The following CYP7B1 variants were observed in gnomAD, a reference collection of about 807,000 sequenced individuals.
The protein encoded by CYP7B1 is cytochrome P450 7B1.
Under a neutral mutation model 42.7 loss-of-function variants are expected in CYP7B1, and 29 were observed. The observed-to-expected ratio is 0.68, with a 90% CI of 0.51 to 0.93. The LOEUF (loss-of-function observed/expected upper bound fraction) is 0.93, where lower values mean the gene tolerates loss of function less well. Ranked by LOEUF, CYP7B1 falls within the 40% of genes least tolerant of loss-of-function variation. CYP7B1 has a pLI of 0.00. For missense variants in CYP7B1, 655 were observed against 600.5 expected, an observed-to-expected ratio of 1.09 and a Z score of -0.95; for synonymous variants, 235 against 218.2, an observed-to-expected ratio of 1.08 and a Z score of -0.68.
At chr8:64,695,831 A>G (rs1036637109) in intron 1 of CYP7B1, among the ~76,000 whole-genome samples, 1 of 152,062 alleles carries the variant, frequency 6.6e-6, no homozygotes, top group African/African-American at 2.4e-5. Flanking sequence ...TGGTTAACAA[A>G]AAAAGGGCTA....
chr8:64,688,888 T>C (rs1476154057), intron 1 of CYP7B1, among the ~76,000 whole-genome samples: 1 of 152,186 alleles, frequency 6.6e-6, no homozygotes, highest in East Asian at 1.9e-4. Flanking sequence ...ATTGTGCCAC[T>C]GCACTCCAGC....
chr8:64,674,857 C>A (rs1420122144), intron 1 of CYP7B1, among the ~76,000 whole-genome samples: 1 of 151,970 alleles, frequency 6.6e-6, no homozygotes, highest in Non-Finnish European at 1.5e-5. Context: ...CACAAAATAT[C>A]CTGAATAGCA....
intron 1 of CYP7B1, chr8:64,732,993 C>T (rs1191018390): frequency 1.3e-5 from 2 of 152,198 alleles, no homozygotes; most frequent in Non-Finnish European, 2.9e-5. Context: ...GAAACCAGGC[C>T]TACCTGGTTC....
At chr8:64,725,414 G>A (rs1385259341) in intron 1 of CYP7B1, among the ~76,000 whole-genome samples, 1 of 152,184 alleles carries the variant, frequency 6.6e-6, no homozygotes, top group East Asian at 1.9e-4. Context: ...CCTGTGTCAA[G>A]TTAGGTAATG....
chr8:64,667,985 A>C lies in CYP7B1; in HGVS notation c.123-43446T>G, dbSNP rs928652931. Reference sequence around the variant, plus strand: ...AAATTCTCTGTACAACTCTGAACTTAAATGCTACAGACAACTGCTTAATCT... The same window carrying C: ...AAATTCTCTGTACAACTCTGAACTTCAATGCTACAGACAACTGCTTAATCT... On this transcript the variant is annotated intron_variant, in intron 1 of 5. Coordinates refer to ENST00000310193, the MANE Select transcript of CYP7B1 (RefSeq NM_004820.5). 2.0e-5 allele frequency among the ~76,000 whole-genome samples: 3 copies of C among 152,202 alleles called. 1 individual carries two copies. The highest frequency in any genetic ancestry group is 7.2e-5 in the African/African-American group (3 of 41,456).
intron 1 of CYP7B1, among the ~76,000 whole-genome samples, chr8:64,666,254 T>G (rs1294803361): frequency 6.6e-6 from 1 of 152,166 alleles, no homozygotes; most frequent in African/African-American, 2.4e-5. Context: ...TCAGAGTCAC[T>G]CAGCTCATGC....
At chr8:64,734,606 T>C (rs1192690937) in intron 1 of CYP7B1, 1 of 152,182 alleles carries the variant, frequency 6.6e-6, no homozygotes. Flanking sequence ...AGTTTCAACA[T>C]GAATTTTGAA....
At position 64,604,740 on chromosome 8, in the gene CYP7B1, A is replaced by AAGGT; in HGVS notation, c.1174_1175insACCT (p.Leu392TyrfsTer13). ...TAGGACTGGAGGAAAGATGGCTACC[A>AAGGT]AGTCTCCCTTTCGCACACAGTAGTC... On this transcript the variant is annotated frameshift_variant, in exon 5 of 6. Coordinates refer to ENST00000310193, the MANE Select transcript of CYP7B1 (RefSeq NM_004820.5). LOFTEE classifies it high-confidence loss of function. 6.2e-7 allele frequency: 1 copy of AAGGT among 1,614,156 alleles called. No individual in the cohort carries two copies. Among genetic ancestry groups the AAGGT allele is most frequent in the Non-Finnish European group, 8.5e-7 (1 of 1,180,030 alleles).
chr8:64,762,729 CTTTTATATAACAG>C (rs1807907908), intron 1 of CYP7B1, among the ~76,000 whole-genome samples: 1 of 152,140 alleles, frequency 6.6e-6, no homozygotes. Flanking sequence ...CTCCAATCAG[CTTTTATATAACAG>C]TTTTATGGAT....
chr8:64,773,811 A>C (rs1364690953), intron 1 of CYP7B1, among the ~76,000 whole-genome samples: 1 of 152,234 alleles, frequency 6.6e-6, no homozygotes, highest in Non-Finnish European at 1.5e-5. Flanking sequence ...AGGCAAGAGC[A>C]AGAAAGCCAG....
At chr8:64,754,750 C>T (rs1187373046) in intron 1 of CYP7B1, among the ~76,000 whole-genome samples, 2 of 152,036 alleles carry the variant, frequency 1.3e-5, no homozygotes, top group Non-Finnish European at 2.9e-5. Flanking sequence ...ATGAAAAGCC[C>T]CTGCAGAGTT....
chr8:64,742,964 C>T (rs1196750525), intron 1 of CYP7B1, among the ~76,000 whole-genome samples: 2 of 152,032 alleles, frequency 1.3e-5, no homozygotes, highest in East Asian at 3.9e-4. Context: ...TTTCCTTCTT[C>T]TATGTTTATT....
At chr8:64,622,979 C>T (rs1805553798) in intron 2 of CYP7B1, among the ~76,000 whole-genome samples, 1 of 151,966 alleles carries the variant, frequency 6.6e-6, no homozygotes, top group Non-Finnish European at 1.5e-5. Context: ...TCTTCTTTTC[C>T]TGCCACTGGC....
At chr8:64,629,782 A>G (rs1223536991) in intron 1 of CYP7B1, among the ~76,000 whole-genome samples, 2 of 152,246 alleles carry the variant, frequency 1.3e-5, no homozygotes, top group African/African-American at 2.4e-5. Flanking sequence ...GCACAAGGAA[A>G]CTTAGAAATG....
chr8:64,600,267 A>C (rs1196008645), intron 5 of CYP7B1, among the ~76,000 whole-genome samples: 2 of 152,208 alleles, frequency 1.3e-5, no homozygotes, highest in Non-Finnish European at 2.9e-5. Context: ...GTGACAAAGG[A>C]AGATTGCATA....
chr8:64,791,812 T>C (rs1489278112), intron 1 of CYP7B1, among the ~76,000 whole-genome samples: 1 of 152,178 alleles, frequency 6.6e-6, no homozygotes, highest in Non-Finnish European at 1.5e-5. Flanking sequence ...AAATGTAGAA[T>C]TGGCTTTGGA....
At chr8:64,783,540 A>AT in intron 1 of CYP7B1, among the ~76,000 whole-genome samples, 1 of 139,180 alleles carries the variant, frequency 7.2e-6, no homozygotes, top group African/African-American at 2.8e-5. Flanking sequence ...ATTCCATACT[A>AT]CTTTTTTTTT....
intron 1 of CYP7B1, among the ~76,000 whole-genome samples, chr8:64,643,195 A>C (rs1462656548): frequency 6.8e-6 from 1 of 146,740 alleles, no homozygotes; most frequent in Non-Finnish European, 1.5e-5. Flanking sequence ...ATATATATAC[A>C]CACACACACA....
chr8:64,591,910 G>A lies in CYP7B1; in HGVS notation c.*4732C>T, dbSNP rs182496313. On this transcript the variant is annotated 3_prime_UTR_variant, in exon 6 of 6. Transcript: ENST00000310193. ...GCTATAAAAATGAAAAGATGGGGGC[G>A]GGCACGGTGGCTCATGTCTGCAACC... Among the ~76,000 whole-genome samples the A allele has an allele frequency of 6.6e-6, 1 of 152,048 alleles. No homozygotes were observed. Among genetic ancestry groups the A allele is most frequent in the Non-Finnish European group, 1.5e-5 (1 of 67,978 alleles).
Sources: allele counts gnomAD v4.1 joint callset (sites outside exome capture counted in the v4.1 genomes callset), GRCh38; gene constraint gnomAD v4.1.1; transcripts MANE v1.5; gene names NCBI Gene and HGNC (gene_info 2026-07-23, HGNC 2026-07-21).